The following CSGALNACT1 variants were observed in gnomAD, a reference collection of about 807,000 sequenced individuals.
CSGALNACT1 encodes the protein beta4GalNAcT-1.
A neutral mutation model predicts 51.0 loss-of-function variants in CSGALNACT1; 52 were observed. The observed-to-expected ratio is 1.02, with a 90% CI of 0.82 to 1.29. The LOEUF is 1.29. Among genes scored for constraint, CSGALNACT1 ranks in the 50% most tolerant of loss-of-function variants. CSGALNACT1 has a pLI of 0.00. For missense variants in CSGALNACT1, 935 were observed against 679.2 expected (o/e 1.38, Z -4.19); for synonymous variants, 341 against 254.4 (o/e 1.34, Z -3.24).
At chr8:19,529,237 G>T (rs750222358) in intron 3 of CSGALNACT1, among the ~76,000 whole-genome samples, 1 of 152,170 alleles carries the variant, frequency 6.6e-6, no homozygotes, top group Non-Finnish European at 1.5e-5. Flanking sequence ...GGAAGGAAAT[G>T]GAGACAATGA....
intron 1 of CSGALNACT1, among the ~76,000 whole-genome samples, chr8:19,617,362 G>A (rs937951201): frequency 6.6e-6 from 1 of 152,142 alleles, no homozygotes; most frequent in Non-Finnish European, 1.5e-5. Context: ...AGTGGTTGAG[G>A]ACTCCTGAAT....
chr8:19,669,979 T>A (rs1166932400), intron 1 of CSGALNACT1, among the ~76,000 whole-genome samples: 1 of 152,180 alleles, frequency 6.6e-6, no homozygotes, highest in African/African-American at 2.4e-5. Context: ...CTTTCCCATT[T>A]CTTTTATATT....
At chr8:19,514,234 G>A (rs1232362321) in intron 3 of CSGALNACT1, among the ~76,000 whole-genome samples, 2 of 151,878 alleles carry the variant, frequency 1.3e-5, no homozygotes, top group African/African-American at 2.4e-5. Context: ...GTTTGGAGTT[G>A]GCTGTGGAAG....
chr8:19,518,914 A>G (rs909927426), intron 3 of CSGALNACT1, among the ~76,000 whole-genome samples: 19 of 152,202 alleles, frequency 1.2e-4, no homozygotes, highest in Non-Finnish European at 2.9e-5. Flanking sequence ...TTATTTATTT[A>G]CAGTGAAAAG....
intron 4 of CSGALNACT1, among the ~76,000 whole-genome samples, chr8:19,463,184 T>C (rs1325414577): frequency 6.6e-6 from 1 of 152,212 alleles, no homozygotes; most frequent in African/African-American, 2.4e-5. Context: ...TAGTACTCCA[T>C]GGTATACAAG....
intron 1 of CSGALNACT1, among the ~76,000 whole-genome samples, chr8:19,666,831 G>GAGAAAGAAAGAAAGAA (rs34197786): frequency 4.0e-5 from 1 of 24,932 alleles, no homozygotes; most frequent in East Asian, 7.7e-4. Context: ...GAGAGAGAGA[G>GAGAAAGAAAGAAAGAA]AGAAAGAAAG....
chr8:19,418,598 T>C (rs2057335275), intron 8 of CSGALNACT1, 58 bp downstream of exon 7: 2 of 1,118,924 alleles, frequency 1.8e-6, no homozygotes, highest in Non-Finnish European at 1.4e-6. Flanking sequence ...CAGGTACCCC[T>C]GGTAATGACA....
intron 4 of CSGALNACT1, among the ~76,000 whole-genome samples, chr8:19,467,491 C>A (rs1018542332): frequency 6.6e-6 from 1 of 152,128 alleles, no homozygotes; most frequent in African/African-American, 2.4e-5. Flanking sequence ...TTTCTCACCT[C>A]ATGAAGACCA....
In CSGALNACT1 at chr8:19,505,812, AG is replaced by A. The variant is rs1293071769; in HGVS notation, c.22del (p.Leu8CysfsTer65). On this transcript the variant is annotated frameshift_variant, in exon 4 of 10. Transcript: ENST00000454498. LOFTEE classifies it high-confidence loss of function. ...CACCACCCGGGAAATCCACGCAAGC[AG>A]CCCCCGGCGAACCATCATCATTCAG... 1 of 1,612,846 alleles carries A rather than the reference AG, an allele frequency of 6.2e-7. No individual in the cohort carries two copies. Among genetic ancestry groups the A allele is most frequent in the East Asian group, 2.2e-5 (1 of 44,860 alleles).
chr8:19,613,845 T>C (rs903836538), intron 1 of CSGALNACT1, among the ~76,000 whole-genome samples: 1 of 152,224 alleles, frequency 6.6e-6, no homozygotes, highest in African/African-American at 2.4e-5. Context: ...GGGCTGTATT[T>C]ATTTTAGGGT....
At chr8:19,627,443 C>T (rs2957624) in intron 1 of CSGALNACT1, among the ~76,000 whole-genome samples, 79,015 of 151,762 alleles carry the variant, frequency 0.52, 20,692 homozygotes, top group Admixed American at 0.57. Flanking sequence ...AATGGAACAA[C>T]TTGGTATCCC....
intron 1 of CSGALNACT1, among the ~76,000 whole-genome samples, chr8:19,693,987 C>T (rs2061459917): frequency 6.6e-6 from 1 of 151,922 alleles, no homozygotes; most frequent in South Asian, 2.1e-4. Context: ...ATTTCACTTA[C>T]CATAATGCCA....
At chr8:19,529,963 G>GC (rs1306945410) in intron 3 of CSGALNACT1, among the ~76,000 whole-genome samples, 2 of 152,116 alleles carry the variant, frequency 1.3e-5, no homozygotes, top group Non-Finnish European at 2.9e-5. Flanking sequence ...GCTCACGCCT[G>GC]TAATCCTAGC....
At chr8:19,659,975 G>A (rs1223559210) in intron 1 of CSGALNACT1, among the ~76,000 whole-genome samples, 1 of 152,180 alleles carries the variant, frequency 6.6e-6, no homozygotes, top group African/African-American at 2.4e-5. Flanking sequence ...CGCTTTCTTT[G>A]TAGTAGTTCA....
At chr8:19,486,835 G>A (rs775351967) in intron 4 of CSGALNACT1, among the ~76,000 whole-genome samples, 7 of 152,276 alleles carry the variant, frequency 4.6e-5, no homozygotes, top group South Asian at 2.1e-4. Flanking sequence ...GCCCTGCAAC[G>A]TAGATTTTGT....
intron 4 of CSGALNACT1, among the ~76,000 whole-genome samples, chr8:19,496,796 T>G (rs904952186): frequency 2.0e-5 from 3 of 152,086 alleles, no homozygotes; most frequent in African/African-American, 7.2e-5. Context: ...TGCAGATGAG[T>G]AGGGCAGTGA....
At chr8:19,539,689 T>C (rs2084628430) in intron 3 of CSGALNACT1, among the ~76,000 whole-genome samples, 1 of 152,112 alleles carries the variant, frequency 6.6e-6, no homozygotes, top group Non-Finnish European at 1.5e-5. Flanking sequence ...GTATGCACAG[T>C]GATATGTGAC....
chr8:19,451,607 T>C (rs760799927), intron 5 of CSGALNACT1, among the ~76,000 whole-genome samples: 4 of 152,186 alleles, frequency 2.6e-5, no homozygotes, highest in Non-Finnish European at 5.9e-5. Flanking sequence ...GCCTGGCCAG[T>C]ACGCCGGGTG....
chr8:19,470,721 G>A (rs1313940221), intron 4 of CSGALNACT1, among the ~76,000 whole-genome samples: 1 of 152,076 alleles, frequency 6.6e-6, no homozygotes, highest in Non-Finnish European at 1.5e-5. Context: ...GCCACTTCCT[G>A]ATGATCCACA....
Sources: gnomAD v4.1 joint callset for allele counts (sites outside exome capture counted in the v4.1 genomes callset) on GRCh38, gnomAD v4.1.1 for gene constraint, MANE v1.5 for transcripts, NCBI Gene and HGNC (gene_info 2026-07-23, HGNC 2026-07-21) for gene names.